SENP6: variants seen among roughly 807,000 people sequenced by gnomAD.
SENP6 encodes sentrin-specific protease 6.
In SENP6, 41 loss-of-function variants were observed where a neutral mutation model predicts 134.5. The ratio of observed to expected loss-of-function variants is 0.30; its 90% CI spans 0.24 to 0.40. The LOEUF is 0.40. Ranked by LOEUF, SENP6 falls within the 10% of genes least tolerant of loss-of-function variation. SENP6 has a pLI of 1.00. For synonymous variants in SENP6, 395 were observed against 429.8 expected (o/e 0.92, Z 1.00); for missense variants, 1,248 against 1,312.5 (o/e 0.95, Z 0.76).
chr6:75,695,961 C>T (rs759171407), intron 17 of SENP6, 38 bp downstream of exon 17: 4 of 1,534,360 alleles, frequency 2.6e-6, no homozygotes, highest in Non-Finnish European at 3.5e-6. Context: ...AGATGTAAGT[C>T]ACTCACATTT....
Position 75,652,386 on chromosome 6 carries a change from A to G in SENP6, c.550+4585A>G, listed in dbSNP as rs192125063. On this transcript the variant is annotated intron_variant, in intron 7 of 23. Coordinates refer to ENST00000447266, the MANE Select transcript of SENP6 (RefSeq NM_015571.4). ...CAGTGGCCCACTATGTTTATGTGGC[A>G]TAATTTGTTTTCAATGTTTTGACAT... Among the ~76,000 whole-genome samples the G allele has an allele frequency of 7.0e-3, 1,068 of 152,070 alleles. 5 individuals carry two copies. The highest frequency in any genetic ancestry group is 0.011 in the Non-Finnish European group (770 of 67,976).
At chr6:75,621,491 C>A in intron 1 of SENP6, 41 bp from the exon 2 acceptor site, 1 of 1,139,334 alleles carries the variant, frequency 8.8e-7, no homozygotes, top group Non-Finnish European at 1.3e-6. Flanking sequence ...TATTGAATAG[C>A]TCTATTAATG....
intron 19 of SENP6, among the ~76,000 whole-genome samples, chr6:75,709,174 C>T (rs918297685): frequency 4.6e-5 from 7 of 152,068 alleles, no homozygotes; most frequent in African/African-American, 1.7e-4. Context: ...TTCAGACTGT[C>T]ATAGCTTTCA....
intron 18 of SENP6, chr6:75,697,728 T>C: frequency 4.5e-6 from 2 of 442,010 alleles, no homozygotes; most frequent in Non-Finnish European, 8.1e-6. Context: ...ATAGACCAGA[T>C]ACCTTTCTAA....
intron 1 of SENP6, among the ~76,000 whole-genome samples, chr6:75,603,450 AAT>A (rs1408651260): frequency 6.6e-6 from 1 of 152,194 alleles, no homozygotes; most frequent in African/African-American, 2.4e-5. Context: ...TGTTTAGCAA[AAT>A]GAGTCTCTGC....
intron 1 of SENP6, among the ~76,000 whole-genome samples, chr6:75,619,624 C>T (rs1768112676): frequency 6.6e-6 from 1 of 152,064 alleles, no homozygotes; most frequent in Non-Finnish European, 1.5e-5. Flanking sequence ...TTTTAGATGT[C>T]TCCCTAGAAG....
At chr6:75,627,897 A>C (rs1457989602) in intron 3 of SENP6, among the ~76,000 whole-genome samples, 2 of 151,558 alleles carry the variant, frequency 1.3e-5, no homozygotes, top group South Asian at 4.2e-4. Flanking sequence ...CTGGTCTCGA[A>C]CTCTGACCTC....
At chr6:75,710,188 T>C (rs981732091) in intron 20 of SENP6, among the ~76,000 whole-genome samples, 2 of 144,354 alleles carry the variant, frequency 1.4e-5, no homozygotes, top group Non-Finnish European at 3.1e-5. Context: ...TTTCCAGTTA[T>C]TTTTTTTTCT....
At chr6:75,684,356 GA>G (rs1453157280) in intron 16 of SENP6, among the ~76,000 whole-genome samples, 2 of 152,184 alleles carry the variant, frequency 1.3e-5, no homozygotes, top group Non-Finnish European at 1.5e-5. Flanking sequence ...GGGACAGTTT[GA>G]CTTCCCCATT....
chr6:75,711,620 C>T (rs779266151), intron 21 of SENP6, among the ~76,000 whole-genome samples: 7 of 152,090 alleles, frequency 4.6e-5, no homozygotes, highest in Non-Finnish European at 8.8e-5. Context: ...GCCAGTTTCC[C>T]CAGCCTCTGC....
intron 1 of SENP6, among the ~76,000 whole-genome samples, chr6:75,620,494 A>G (rs555650393): frequency 6.6e-6 from 1 of 152,296 alleles, no homozygotes; most frequent in African/African-American, 2.4e-5. Context: ...AACAGGCTCC[A>G]TTGGGCCTCT....
chr6:75,659,678 A>C (rs1387548216), intron 8 of SENP6, among the ~76,000 whole-genome samples: 1 of 152,008 alleles, frequency 6.6e-6, no homozygotes, highest in East Asian at 1.9e-4. Flanking sequence ...TAATTTTAAG[A>C]AGCCAAAAAG....
At chr6:75,658,395 A>T (rs541091478) in intron 7 of SENP6, among the ~76,000 whole-genome samples, 1 of 152,138 alleles carries the variant, frequency 6.6e-6, no homozygotes, top group African/African-American at 2.4e-5. Context: ...AATATTAAAT[A>T]TAGGAAACTA....
chr6:75,666,127 A>T (rs1382811311), intron 9 of SENP6, among the ~76,000 whole-genome samples: 1 of 139,886 alleles, frequency 7.1e-6, no homozygotes, highest in East Asian at 2.1e-4. Context: ...GATATATATA[A>T]AACGTATATA....
intron 6 of SENP6, 122 bp from the exon 7 acceptor site, chr6:75,647,607 CTT>C (rs1421787749): frequency 5.9e-6 from 3 of 506,896 alleles, no homozygotes; most frequent in African/African-American, 4.0e-5. Context: ...TATAGTATCA[CTT>C]TTTATATGGC....
chr6:75,656,620 T>C (rs1334316251), intron 7 of SENP6, among the ~76,000 whole-genome samples: 1 of 152,218 alleles, frequency 6.6e-6, no homozygotes, highest in Non-Finnish European at 1.5e-5. Context: ...GAAAATGGAA[T>C]CCTAATGGAA....
chr6:75,709,489 T>C (rs1468390190), intron 19 of SENP6, 38 bp from the exon 20 acceptor site: 1 of 1,386,492 alleles, frequency 7.2e-7, no homozygotes, highest in East Asian at 2.3e-5. Flanking sequence ...GTGATAGACA[T>C]GGCCTTTTTT....
intron 9 of SENP6, among the ~76,000 whole-genome samples, chr6:75,665,824 C>G (rs2647416): frequency 6.6e-6 from 1 of 151,460 alleles, no homozygotes; most frequent in African/African-American, 2.4e-5. Flanking sequence ...GTCGGGAGTT[C>G]GAGACCAGCC....
intron 11 of SENP6, among the ~76,000 whole-genome samples, chr6:75,674,059 T>C (rs1772889847): frequency 6.6e-6 from 1 of 151,982 alleles, no homozygotes; most frequent in African/African-American, 2.4e-5. Flanking sequence ...TATGTCATCA[T>C]TATTGACACT....
Sources: gnomAD v4.1 joint callset for allele counts (sites outside exome capture counted in the v4.1 genomes callset) on GRCh38, gnomAD v4.1.1 for gene constraint, MANE v1.5 for transcripts, NCBI Gene and HGNC (gene_info 2026-07-23, HGNC 2026-07-21) for gene names.